ST6GAL1: variants seen among roughly 807,000 people sequenced by gnomAD.
The protein encoded by ST6GAL1 is ST6 beta-galactoside alpha-2,6-sialyltransferase 1.
In ST6GAL1, 20 loss-of-function variants were observed where a neutral mutation model predicts 38.0. The observed-to-expected ratio is 0.53, with a 90% CI of 0.37 to 0.77. The LOEUF is 0.77. ST6GAL1 is among the 30% of genes least tolerant of loss of function. The probability of loss-of-function intolerance (pLI) is 0.00; values close to 1 mark genes in which losing one functional copy is unlikely to be tolerated. For missense variants in ST6GAL1, 432 were observed against 496.4 expected (o/e 0.87, Z 1.23); for synonymous variants, 196 against 188.2 (o/e 1.04, Z -0.34).
rs143918092 is a variant in ST6GAL1 at position 186,993,555 on chromosome 3, G to GTTTT, written c.-183+29630_-183+29633dup. On this transcript the variant is annotated intron_variant, in intron 2 of 7. Coordinates refer to ENST00000169298, the MANE Select transcript of ST6GAL1 (RefSeq NM_173216.2). Reference sequence around the variant, plus strand: ...CTTCTCAGTTAGATAACTTGACAGAGTTTTATTTATTTATTTATTTATTTA... The same window carrying GTTTT: ...CTTCTCAGTTAGATAACTTGACAGAGTTTTTTTTATTTATTTATTTATTTATTTA... Among the ~76,000 whole-genome samples the GTTTT allele has an allele frequency of 2.5e-4, 30 of 118,696 alleles. No homozygotes were observed. The South Asian group carries it at 3.3e-3, about 13-fold the overall frequency. 77.9% of individuals were successfully genotyped at this position (118,696 alleles called of 152,430 possible).
chr3:186,961,037 C>T (rs955906976), intron 1 of ST6GAL1, among the ~76,000 whole-genome samples: 3 of 149,720 alleles, frequency 2.0e-5, no homozygotes, highest in Non-Finnish European at 3.0e-5. Flanking sequence ...TGATTGATCT[C>T]GGCTCACTGC....
At chr3:186,946,197 G>T (rs916874251) in intron 1 of ST6GAL1, among the ~76,000 whole-genome samples, 8 of 151,484 alleles carry the variant, frequency 5.3e-5, no homozygotes, top group African/African-American at 1.9e-4. Flanking sequence ...CTGTAATCTC[G>T]GCTGCTCGGT....
At chr3:187,064,591 A>T (rs115850239) in intron 5 of ST6GAL1, 73 of 456,746 alleles carry the variant, frequency 1.6e-4, no homozygotes, top group African/African-American at 1.3e-3. Flanking sequence ...CCCACCCTCA[A>T]GAGAGCCTTT....
At chr3:186,957,239 T>C (rs1316388401) in intron 1 of ST6GAL1, among the ~76,000 whole-genome samples, 5 of 152,146 alleles carry the variant, frequency 3.3e-5, no homozygotes, top group Non-Finnish European at 1.5e-5. Flanking sequence ...ACCCAAGAGT[T>C]TGAGACCAGC....
intron 2 of ST6GAL1, among the ~76,000 whole-genome samples, chr3:186,978,777 G>A (rs765601395): frequency 1.3e-4 from 20 of 152,046 alleles, no homozygotes; most frequent in Non-Finnish European, 2.8e-4. Context: ...ATGTCCTGTC[G>A]AAGACCATTT....
At chr3:186,941,648 G>A (rs186712761) in intron 1 of ST6GAL1, among the ~76,000 whole-genome samples, 2 of 152,230 alleles carry the variant, frequency 1.3e-5, no homozygotes, top group East Asian at 1.9e-4. Flanking sequence ...CTGACTTAAC[G>A]GAGCTACCCA....
chr3:187,058,010 C>T (rs1263760577), intron 5 of ST6GAL1, among the ~76,000 whole-genome samples: 1 of 152,192 alleles, frequency 6.6e-6, no homozygotes, highest in African/African-American at 2.4e-5. Flanking sequence ...TGGCAGACGC[C>T]CCTCCCCCGC....
chr3:187,051,776 T>G (rs536523948), intron 5 of ST6GAL1, among the ~76,000 whole-genome samples: 8 of 152,332 alleles, frequency 5.3e-5, no homozygotes, highest in Admixed American at 4.6e-4. Context: ...CATGTAATTA[T>G]GTGTAATATG....
rs577739072 is a variant in ST6GAL1, at chr3:187,066,817, C to T, written c.706-6032C>T. 5.3e-5 allele frequency among the ~76,000 whole-genome samples: 8 copies of T among 152,174 alleles called. No individual in the cohort carries two copies. In the South Asian group the frequency reaches 1.7e-3, roughly 32 times the overall value. On this transcript the variant is annotated intron_variant, in intron 5 of 7. Transcript: ENST00000169298. ...TTCTCAGCATGAACTCCTCCCCTGCCCCCTAAGAGGATCTCCAAACCCAGG... is the reference window on the plus strand; with the variant it reads ...TTCTCAGCATGAACTCCTCCCCTGCTCCCTAAGAGGATCTCCAAACCCAGG...
At chr3:187,016,135 C>T (rs1250476368) in intron 2 of ST6GAL1, among the ~76,000 whole-genome samples, 5 of 152,174 alleles carry the variant, frequency 3.3e-5, no homozygotes, top group Non-Finnish European at 7.3e-5. Flanking sequence ...GCAGACCCAG[C>T]AGGTGCTTCA....
At chr3:186,942,250 G>C (rs1370987846) in intron 1 of ST6GAL1, 2 of 152,256 alleles carry the variant, frequency 1.3e-5, no homozygotes, top group African/African-American at 2.4e-5. Context: ...ATCAAAGGAG[G>C]CTTAAGCCTT....
intron 1 of ST6GAL1, among the ~76,000 whole-genome samples, chr3:186,938,066 T>C (rs1714027792): frequency 6.6e-6 from 1 of 152,194 alleles, no homozygotes; most frequent in Admixed American, 6.5e-5. Flanking sequence ...AGAGCAAGAC[T>C]GTCTCAAAAT....
At chr3:187,037,744 T>C (rs1717978837) in intron 2 of ST6GAL1, among the ~76,000 whole-genome samples, 1 of 152,150 alleles carries the variant, frequency 6.6e-6, no homozygotes, top group African/African-American at 2.4e-5. Context: ...GGCTTATTTT[T>C]AGCTTTTTAA....
chr3:186,993,407 C>G (rs898039031), intron 2 of ST6GAL1, among the ~76,000 whole-genome samples: 3 of 152,156 alleles, frequency 2.0e-5, no homozygotes, highest in African/African-American at 7.2e-5. Flanking sequence ...TTGTCCTGTT[C>G]TCTCAAGCGT....
Position 187,008,859 on chromosome 3 carries a change from C to T in ST6GAL1, c.-182-29883C>T, listed in dbSNP as rs528993801. Among the ~76,000 whole-genome samples the T allele has an allele frequency of 4.7e-4, 70 of 149,052 alleles. 1 individual carries two copies. The highest frequency in any genetic ancestry group is 7.0e-3 in the Middle Eastern group (2 of 286). ...TTTCTCTTTTTCTTTTTTGGTTTTTCTCTCTCTGTCTCTTCCTTTCATGTG... is the reference window on the plus strand; with the variant it reads ...TTTCTCTTTTTCTTTTTTGGTTTTTTTCTCTCTGTCTCTTCCTTTCATGTG... On this transcript the variant is annotated intron_variant, in intron 2 of 7. Transcript: ENST00000169298.
chr3:187,000,022 A>G (rs912286909), intron 2 of ST6GAL1, among the ~76,000 whole-genome samples: 5 of 151,980 alleles, frequency 3.3e-5, no homozygotes, highest in Non-Finnish European at 7.4e-5. Context: ...ACATTTTTGT[A>G]GAGTATGTTG....
intron 2 of ST6GAL1, among the ~76,000 whole-genome samples, chr3:187,035,251 G>A (rs1413921328): frequency 2.6e-5 from 4 of 152,146 alleles, no homozygotes; most frequent in Non-Finnish European, 5.9e-5. Flanking sequence ...AGAAGTCATG[G>A]ATGACACAAA....
chr3:187,058,245 G>T (rs755682769), intron 5 of ST6GAL1, among the ~76,000 whole-genome samples: 1 of 152,174 alleles, frequency 6.6e-6, no homozygotes. Context: ...GACCCCTTGC[G>T]CTTCCTGGGT....
chr3:186,987,811 AATT>A (rs979264401), intron 2 of ST6GAL1, among the ~76,000 whole-genome samples: 92 of 152,354 alleles, frequency 6.0e-4, no homozygotes, highest in African/African-American at 2.0e-3. Flanking sequence ...TATTTAAGGG[AATT>A]ATTATTATCA....
Sources: gnomAD v4.1 joint callset for allele counts (sites outside exome capture counted in the v4.1 genomes callset) on GRCh38, gnomAD v4.1.1 for gene constraint, MANE v1.5 for transcripts, NCBI Gene and HGNC (gene_info 2026-07-23, HGNC 2026-07-21) for gene names.